The following ADAM22 variants were observed in gnomAD, a reference collection of about 807,000 sequenced individuals.
ADAM22 encodes the protein ADAM metallopeptidase domain 22.
A neutral mutation model predicts 144.6 loss-of-function variants in ADAM22; 65 were observed. The observed-to-expected ratio is 0.45, with a 90% CI of 0.37 to 0.55. The LOEUF (loss-of-function observed/expected upper bound fraction) is 0.55. Among genes scored for constraint, ADAM22 ranks in the 20% least tolerant of loss-of-function variants. The pLI is 0.00. For missense variants in ADAM22, 974 were observed against 1,184.9 expected (o/e 0.82, Z 2.61); for synonymous variants, 391 against 412.6 (o/e 0.95, Z 0.63).
At chr7:88,174,029 AATAAGT>A (rs1246267903) in intron 26 of ADAM22, among the ~76,000 whole-genome samples, 2 of 152,156 alleles carry the variant, frequency 1.3e-5, no homozygotes, top group African/African-American at 4.8e-5. Context: ...TGCAAGACCT[AATAAGT>A]ATAATAGCCT....
chr7:88,158,584 G>T (rs527621970), intron 22 of ADAM22, among the ~76,000 whole-genome samples: 1 of 151,944 alleles, frequency 6.6e-6, no homozygotes, highest in African/African-American at 2.4e-5. Context: ...AATACAAATA[G>T]AAATCGAGAC....
At chr7:88,100,603 A>G (rs1822648040) in intron 4 of ADAM22, among the ~76,000 whole-genome samples, 1 of 152,184 alleles carries the variant, frequency 6.6e-6, no homozygotes, top group South Asian at 2.1e-4. Context: ...ATCATCTTTA[A>G]CATAAAATTT....
intron 3 of ADAM22, among the ~76,000 whole-genome samples, chr7:88,061,884 C>T (rs1809988145): frequency 1.3e-5 from 2 of 148,822 alleles, no homozygotes; most frequent in African/African-American, 5.0e-5. Context: ...AGTTTGTGGC[C>T]CAGGCTGGAG....
chr7:88,098,266 G>A (rs1273321033), intron 4 of ADAM22, among the ~76,000 whole-genome samples: 2 of 152,132 alleles, frequency 1.3e-5, no homozygotes, highest in African/African-American at 4.8e-5. Flanking sequence ...CTGGTTATAG[G>A]TAATTAAGAT....
At chr7:88,192,807 A>G (rs561357338) in intron 30 of ADAM22, among the ~76,000 whole-genome samples, 1 of 152,334 alleles carries the variant, frequency 6.6e-6, no homozygotes, top group African/African-American at 2.4e-5. Context: ...AAGCTCTTAG[A>G]ATAATTTCAT....
At chr7:88,000,320 A>G (rs1792247124) in intron 3 of ADAM22, among the ~76,000 whole-genome samples, 1 of 152,210 alleles carries the variant, frequency 6.6e-6, no homozygotes, top group Admixed American at 6.5e-5. Context: ...TAGAGCAGCA[A>G]ATCACAGTAT....
chr7:88,035,967 TC>T (rs1025184070), intron 3 of ADAM22, among the ~76,000 whole-genome samples: 1 of 152,224 alleles, frequency 6.6e-6, no homozygotes, highest in African/African-American at 2.4e-5. Flanking sequence ...CTGTTTAATT[TC>T]CACATGTTCT....
chr7:88,155,992 A>G lies in ADAM22; in HGVS notation c.1893A>G (p.Arg631=). ...CTACTTTAGTTGTGCAGCAAGGAAG[A>G]ACATTAAACTGCAGGTAATTATCTA... is the stretch of plus-strand genomic sequence containing the variant. ...ITSTLVVQQG[R]TLNCSGGHVK... The change falls in exon 22 of 32, where the codon AGA becomes AGG. Residue 631 remains arginine (R), a synonymous_variant. Transcript: ENST00000413139. The G allele has an allele frequency of 6.2e-7, 1 of 1,613,184 alleles. No homozygotes were observed. The highest frequency in any genetic ancestry group is 8.5e-7 in the Non-Finnish European group (1 of 1,179,484).
intron 3 of ADAM22, among the ~76,000 whole-genome samples, chr7:88,046,142 AT>A (rs751430451): frequency 7.9e-5 from 12 of 152,058 alleles, no homozygotes; most frequent in Non-Finnish European, 1.0e-4. Flanking sequence ...AAACCTCCAG[AT>A]TGTTTTTCCT....
chr7:88,000,132 C>T (rs751949169), intron 3 of ADAM22, among the ~76,000 whole-genome samples: 3 of 152,080 alleles, frequency 2.0e-5, no homozygotes, highest in Admixed American at 6.6e-5. Context: ...AGTAATCTCT[C>T]ATTATTCTTT....
chr7:88,097,151 C>CTTTT (rs1169759079), intron 4 of ADAM22, among the ~76,000 whole-genome samples: 1 of 129,218 alleles, frequency 7.7e-6, no homozygotes, highest in Admixed American at 7.8e-5. Flanking sequence ...TTTTTCTTTT[C>CTTTT]TTTTTTTTTT....
chr7:87,974,082 TATA>T lies in ADAM22; in HGVS notation c.247-4243_247-4241del, dbSNP rs1430067342. ...TGCACATGTACCCTAAAACTTAAAG[TATA>T]ATAATAATAAAATTAAAAAAAAAAA... On this transcript the variant is annotated intron_variant, in intron 2 of 31. Transcript: ENST00000413139. Among the ~76,000 whole-genome samples, 3 of 147,624 alleles carry T rather than the reference TATA, an allele frequency of 2.0e-5. No individual in the cohort carries two copies. The East Asian group carries it at 5.9e-4, about 29-fold the overall frequency.
At chr7:88,072,920 G>C (rs1163055076) in intron 3 of ADAM22, among the ~76,000 whole-genome samples, 3 of 152,172 alleles carry the variant, frequency 2.0e-5, no homozygotes, top group African/African-American at 7.2e-5. Context: ...AGTTTTGCCT[G>C]AGGCAGGTCT....
chr7:88,151,172 A>AT lies in ADAM22; in HGVS notation c.1618-80dup, dbSNP rs1198019403. 19 of 1,568,634 alleles carry AT rather than the reference A, an allele frequency of 1.2e-5. No homozygotes were observed. The African/African-American group carries it at 1.8e-4, about 15-fold the overall frequency. On this transcript the variant is annotated intron_variant, in intron 19 of 31. Coordinates refer to ENST00000413139, the MANE Select transcript of ADAM22 (RefSeq NM_001324418.2). ...AAGGCCTCTCTACTATTCATCTATT[A>AT]TTTTTCCCAATCATAGTTTCTTTTT...
intron 3 of ADAM22, among the ~76,000 whole-genome samples, chr7:88,023,974 TA>T (rs1173134437): frequency 2.0e-5 from 3 of 152,182 alleles, no homozygotes; most frequent in Non-Finnish European, 4.4e-5. Flanking sequence ...TTATTTCTCT[TA>T]ACATAATGAT....
chr7:88,035,509 T>C (rs1008148291), intron 3 of ADAM22, among the ~76,000 whole-genome samples: 1 of 152,234 alleles, frequency 6.6e-6, no homozygotes, highest in African/African-American at 2.4e-5. Flanking sequence ...CAGTTGGACC[T>C]CCACATCTGT....
chr7:87,956,383 A>G (rs1048888004), intron 2 of ADAM22, among the ~76,000 whole-genome samples: 4 of 152,344 alleles, frequency 2.6e-5, no homozygotes, highest in Non-Finnish European at 5.9e-5. Flanking sequence ...ACTTTAGCTA[A>G]CCTAATGTAA....
intron 3 of ADAM22, among the ~76,000 whole-genome samples, chr7:88,029,503 T>A: frequency 6.6e-6 from 1 of 152,170 alleles, no homozygotes; most frequent in East Asian, 1.9e-4. Flanking sequence ...TATGAGTAGT[T>A]TATACACCAA....
chr7:88,122,499 T>G (rs147581407), intron 7 of ADAM22, among the ~76,000 whole-genome samples: 1 of 152,308 alleles, frequency 6.6e-6, no homozygotes, highest in Non-Finnish European at 1.5e-5. Flanking sequence ...CAGTAATTCC[T>G]GTCCCTTTTA....
Sources: allele counts gnomAD v4.1 joint callset (sites outside exome capture counted in the v4.1 genomes callset), GRCh38; gene constraint gnomAD v4.1.1; transcripts MANE v1.5; gene names NCBI Gene and HGNC (gene_info 2026-07-23, HGNC 2026-07-21).